Variants in IL1RAPL2 observed in about 807,000 individuals in gnomAD.
IL1RAPL2 encodes the protein interleukin 1 receptor accessory protein like 2.
Under a neutral mutation model 44.1 loss-of-function variants are expected in IL1RAPL2, and 3 were observed. The observed-to-expected ratio is 0.07, with a 90% confidence interval of 0.03 to 0.18. The LOEUF is 0.18. Ranked by LOEUF, IL1RAPL2 falls within the 10% of genes least tolerant of loss-of-function variation. The pLI, the probability that IL1RAPL2 is intolerant of heterozygous loss-of-function variation, is 1.00. For synonymous variants in IL1RAPL2, 181 were observed against 178.8 expected (o/e 1.01, Z -0.10); for missense variants, 391 against 496.4 (o/e 0.79, Z 2.02).
At chrX:105,563,247 C>T (rs1478039943) in intron 6 of IL1RAPL2, among the ~76,000 whole-genome samples, 1 of 111,681 alleles carries the variant, frequency 9.0e-6, no homozygotes, top group South Asian at 3.7e-4. Context: ...AAATTGGGCA[C>T]AAGAGAAGTT....
intron 6 of IL1RAPL2, among the ~76,000 whole-genome samples, chrX:105,580,364 T>A: frequency 1.0e-5 from 1 of 99,723 alleles, no homozygotes; most frequent in Non-Finnish European, 2.0e-5. Context: ...CCCCCCGTGT[T>A]TTTTTTTTTT....
At chrX:104,907,078 G>A (rs978375465) in intron 2 of IL1RAPL2, among the ~76,000 whole-genome samples, 5 of 110,906 alleles carry the variant, frequency 4.5e-5, no homozygotes, top group Admixed American at 1.9e-4. Flanking sequence ...AGATTTTCTA[G>A]TTTATTTGCG....
chrX:105,045,189 A>G (rs1386943572), intron 2 of IL1RAPL2, among the ~76,000 whole-genome samples: 1 of 111,453 alleles, frequency 9.0e-6, no homozygotes, highest in Non-Finnish European at 1.9e-5. Flanking sequence ...CAAGCAAAGA[A>G]AGGTAATCAT....
chrX:105,021,947 G>T (rs148551355), intron 2 of IL1RAPL2, among the ~76,000 whole-genome samples: 1 of 110,994 alleles, frequency 9.0e-6, no homozygotes, highest in Non-Finnish European at 1.9e-5. Flanking sequence ...AATACATTTA[G>T]GGTGTGAGCA....
At chrX:105,231,877 C>T (rs1355083962) in intron 3 of IL1RAPL2, among the ~76,000 whole-genome samples, 1 of 111,945 alleles carries the variant, frequency 8.9e-6, no homozygotes, top group Non-Finnish European at 1.9e-5. Flanking sequence ...TGAAAAAGAG[C>T]TCAATTGATT....
chrX:104,849,952 C>G (rs1035910298), intron 2 of IL1RAPL2, among the ~76,000 whole-genome samples: 1 of 110,960 alleles, frequency 9.0e-6, no homozygotes, highest in Non-Finnish European at 1.9e-5. Flanking sequence ...CATGTACCTA[C>G]ATGTAAATAT....
intron 7 of IL1RAPL2, among the ~76,000 whole-genome samples, chrX:105,726,664 C>G (rs1216822440): frequency 1.8e-5 from 2 of 110,550 alleles, no homozygotes; most frequent in Admixed American, 9.7e-5. Flanking sequence ...ACCTGCTTTG[C>G]TGCTTACATT....
chrX:104,777,972 C>T (rs1932746724), intron 2 of IL1RAPL2, among the ~76,000 whole-genome samples: 1 of 111,104 alleles, frequency 9.0e-6, no homozygotes, highest in African/African-American at 3.3e-5. Flanking sequence ...TACCATTTTA[C>T]ATTCTTACCA....
At chrX:105,685,428 G>A (rs758806903) in intron 6 of IL1RAPL2, among the ~76,000 whole-genome samples, 6 of 111,588 alleles carry the variant, frequency 5.4e-5, no homozygotes, top group South Asian at 7.6e-4. Context: ...TTCAATAGCC[G>A]ATTCAATTAG....
intron 3 of IL1RAPL2, among the ~76,000 whole-genome samples, chrX:105,199,443 T>C (rs1163892974): frequency 9.0e-6 from 1 of 110,596 alleles, no homozygotes; most frequent in Admixed American, 9.7e-5. Flanking sequence ...GATAATTGCA[T>C]TAGAAACCTA....
chrX:104,980,453 T>C (rs972278765), intron 2 of IL1RAPL2, among the ~76,000 whole-genome samples: 1 of 111,947 alleles, frequency 8.9e-6, no homozygotes, highest in Non-Finnish European at 1.9e-5. Context: ...CAGGCTGATA[T>C]TTTAACTCCA....
intron 6 of IL1RAPL2, among the ~76,000 whole-genome samples, chrX:105,536,118 C>T (rs73245785): frequency 0.014 from 1,527 of 110,165 alleles, 19 homozygotes; most frequent in Non-Finnish European, 0.022. Flanking sequence ...AAATATTTCC[C>T]TTATTATAAA....
At chrX:104,641,578 G>T (rs1929935184) in intron 1 of IL1RAPL2, among the ~76,000 whole-genome samples, 2 of 111,639 alleles carry the variant, frequency 1.8e-5, no homozygotes, top group South Asian at 7.6e-4. Context: ...TCCCAGACTT[G>T]CCAGTAGTAG....
chrX:104,871,282 T>A (rs916888438), intron 2 of IL1RAPL2, among the ~76,000 whole-genome samples: 2 of 111,690 alleles, frequency 1.8e-5, no homozygotes, highest in Admixed American at 9.6e-5. Context: ...TAATAAAGTT[T>A]CCTTTACAAC....
intron 6 of IL1RAPL2, among the ~76,000 whole-genome samples, chrX:105,528,763 AT>A (rs1276196187): frequency 9.0e-6 from 1 of 111,314 alleles, no homozygotes; most frequent in Non-Finnish European, 1.9e-5. Flanking sequence ...AAATATAACT[AT>A]CATGTTCAAA....
chrX:105,632,588 C>T (rs764540392), intron 6 of IL1RAPL2, among the ~76,000 whole-genome samples: 5 of 111,501 alleles, frequency 4.5e-5, no homozygotes, highest in Admixed American at 3.8e-4. Context: ...CCCATACAGA[C>T]GCCTCACTTT....
chrX:104,695,974 AT>A (rs1352486298), intron 2 of IL1RAPL2, among the ~76,000 whole-genome samples: 55 of 110,691 alleles, frequency 5.0e-4, no homozygotes, highest in African/African-American at 1.8e-3. Context: ...CACCCGGCTA[AT>A]TTTTGTATTT....
intron 2 of IL1RAPL2, among the ~76,000 whole-genome samples, chrX:105,077,732 G>C (rs372695543): frequency 9.0e-6 from 1 of 111,379 alleles, no homozygotes; most frequent in Non-Finnish European, 1.9e-5. Flanking sequence ...TCTTGGAGGC[G>C]TTGTTCATTT....
intron 4 of IL1RAPL2, among the ~76,000 whole-genome samples, chrX:105,242,207 A>G (rs537030934): frequency 2.2e-4 from 25 of 112,139 alleles, no homozygotes; most frequent in Middle Eastern, 4.6e-3. Context: ...TTATGACATC[A>G]AAGCATTTAG....
Sources: allele counts gnomAD v4.1 joint callset (sites outside exome capture counted in the v4.1 genomes callset), GRCh38; gene constraint gnomAD v4.1.1; transcripts MANE v1.5; gene names NCBI Gene and HGNC (gene_info 2026-07-23, HGNC 2026-07-21).